The following C6orf118 variants were observed in gnomAD, a reference collection of about 807,000 sequenced individuals.
C6orf118 encodes the protein uncharacterized protein C6orf118.
In C6orf118, 50 loss-of-function variants were observed where a neutral mutation model predicts 50.2. That is an observed-to-expected ratio of 1.00 (90% CI 0.79 to 1.26). The LOEUF is 1.26. C6orf118 is among the 50% of genes most tolerant of loss of function. The probability of loss-of-function intolerance (pLI) is 0.00; values close to 1 mark genes in which losing one functional copy is unlikely to be tolerated. For synonymous variants in C6orf118, 239 were observed against 230.9 expected, an observed-to-expected ratio of 1.03 and a Z score of -0.32; for missense variants, 641 against 578.7, an observed-to-expected ratio of 1.11 and a Z score of -1.10.
At chr6:165,281,483 C>T in intron 8 of C6orf118, 157 bp downstream of exon 8, 2 of 1,386,720 alleles carry the variant, frequency 1.4e-6, no homozygotes, top group African/African-American at 1.5e-5. Flanking sequence ...ATACTTACTC[C>T]TGCCTCTCTT....
chr6:165,280,806 C>A (rs190130944), intron 8 of C6orf118, among the ~76,000 whole-genome samples: 488 of 152,294 alleles, frequency 3.2e-3, no homozygotes, highest in African/African-American at 0.011. Flanking sequence ...GAGGAGGCAG[C>A]AGCCACACTC....
chr6:165,288,948 A>T (rs182657685), intron 7 of C6orf118, among the ~76,000 whole-genome samples: 34 of 152,206 alleles, frequency 2.2e-4, no homozygotes, highest in African/African-American at 7.9e-4. Flanking sequence ...AATAGAAAAA[A>T]ATAAAATAAA....
intron 7 of C6orf118, among the ~76,000 whole-genome samples, chr6:165,289,624 T>C (rs1316594388): frequency 2.6e-5 from 4 of 152,164 alleles, no homozygotes; most frequent in Non-Finnish European, 5.9e-5. Context: ...TATTCCACTC[T>C]GTATGTTCAT....
rs542751457 is a variant in C6orf118, at chr6:165,292,048, G to A, written c.1120+1365C>T. On this transcript the variant is annotated intron_variant, in intron 6 of 8. Coordinates refer to ENST00000230301, the MANE Select transcript of C6orf118 (RefSeq NM_144980.4). ...TGAGCTAGCTGAGGGGATAGAAATGGTCATAGTTAAGCTTCTACACAAACT... is the reference window on the plus strand; with the variant it reads ...TGAGCTAGCTGAGGGGATAGAAATGATCATAGTTAAGCTTCTACACAAACT... 3.9e-5 allele frequency among the ~76,000 whole-genome samples: 6 copies of A among 152,236 alleles called. No homozygotes were observed. The East Asian group carries it at 9.6e-4, about 24-fold the overall frequency.
Position 165,281,709 on chromosome 6 carries a change from T to A in C6orf118, c.1303-16A>T, listed in dbSNP as rs1181843882. On this transcript the variant is annotated splice_polypyrimidine_tract_variant and intron_variant, in intron 7 of 8. Transcript: ENST00000230301. Reference sequence around the variant, plus strand: ...TAGCTTCATGCTGGAAGAGAAGTTGTTTTAAACACAATATACTTGGTTAAA... The same window carrying A: ...TAGCTTCATGCTGGAAGAGAAGTTGATTTAAACACAATATACTTGGTTAAA... 2 of 1,443,878 alleles carry A rather than the reference T, an allele frequency of 1.4e-6. No individual in the cohort carries two copies. The highest frequency in any genetic ancestry group is 9.3e-7 in the Non-Finnish European group (1 of 1,075,888). The allele number at this position is 1,443,878 out of a possible 1,614,324, so 89.4% of individuals were successfully genotyped here. A position where few individuals can be genotyped will look rare whatever the true frequency, so the allele number is the denominator to read the frequency against.
In C6orf118 at chr6:165,279,920, A is replaced by T; in HGVS notation, c.*137T>A. 1.2e-6 allele frequency: 1 copy of T among 834,420 alleles called. No individual in the cohort carries two copies. Among genetic ancestry groups the T allele is most frequent in the Non-Finnish European group, 1.8e-6 (1 of 550,894 alleles). The allele number at this position is 834,420 out of a possible 1,614,324, so 51.7% of individuals were successfully genotyped here. ...TCAGTATCCTGAGTAGGATACATAT[A>T]CCACATTAATTTTACTAGAGATTAA... On this transcript the variant is annotated 3_prime_UTR_variant, in exon 9 of 9. Coordinates refer to ENST00000230301, the MANE Select transcript of C6orf118 (RefSeq NM_144980.4).
At position 165,301,910 on chromosome 6, in the gene C6orf118, G is replaced by C; in HGVS notation, c.412C>G (p.Leu138Val). ...LFRYLNPQASLSHTSEEDFLP... is the reference protein window; with the variant it reads ...LFRYLNPQASVSHTSEEDFLP... ...AAATCCTCCTCTGAAGTGTGGGAAA[G>C]AGAGGCCTGGGGGTTCAGGTACCTG... is the stretch of plus-strand genomic sequence containing the variant. Residue 138 changes from leucine to valine, a missense_variant, in exon 2 of 9, where the codon CTT becomes GTT. Leu to Val is a conservative substitution (Grantham distance 32). Coordinates refer to ENST00000230301, the MANE Select transcript of C6orf118 (RefSeq NM_144980.4). 1 of 1,613,886 alleles carries C rather than the reference G, an allele frequency of 6.2e-7. No homozygotes were observed. The highest frequency in any genetic ancestry group is 8.5e-7 in the Non-Finnish European group (1 of 1,180,030).
At chr6:165,297,285 GT>G (rs1429956200) in intron 5 of C6orf118, among the ~76,000 whole-genome samples, 5 of 151,838 alleles carry the variant, frequency 3.3e-5, no homozygotes, top group Non-Finnish European at 7.4e-5. Context: ...GCCGGGCGTG[GT>G]GGTACACACC....
chr6:165,300,065 A>G (rs1397439111), intron 3 of C6orf118, among the ~76,000 whole-genome samples: 1 of 152,204 alleles, frequency 6.6e-6, no homozygotes, highest in African/African-American at 2.4e-5. Context: ...TTAAATTATT[A>G]ATTTATTAGA....
chr6:165,306,890 T>G (rs1015150344), intron 1 of C6orf118, among the ~76,000 whole-genome samples: 1 of 151,870 alleles, frequency 6.6e-6, no homozygotes, highest in Non-Finnish European at 1.5e-5. Flanking sequence ...AATAAATATT[T>G]TAATCATTTT....
intron 2 of C6orf118, among the ~76,000 whole-genome samples, chr6:165,300,727 C>T (rs1343026883): frequency 5.9e-5 from 9 of 152,050 alleles, no homozygotes; most frequent in Non-Finnish European, 1.3e-4. Flanking sequence ...GACTCCCTTG[C>T]TCCCCGTGCT....
rs201582454 is a variant in C6orf118 at position 165,298,116 on chromosome 6, G to A, written c.937-15C>T. ...GCCAGAAGAGCCTAGGCAGGACCAG[G>A]TACATGAGGTGAGACAAGCACACAG... On this transcript the variant is annotated splice_polypyrimidine_tract_variant and intron_variant, in intron 4 of 8. Coordinates refer to ENST00000230301, the MANE Select transcript of C6orf118 (RefSeq NM_144980.4). 1.9e-6 allele frequency: 3 copies of A among 1,564,938 alleles called. No homozygotes were observed. Among genetic ancestry groups the A allele is most frequent in the Non-Finnish European group, 2.6e-6 (3 of 1,161,070 alleles).
At chr6:165,299,622 T>C (rs1295320972) in intron 3 of C6orf118, 120 bp from the exon 4 acceptor site, 2 of 724,888 alleles carry the variant, frequency 2.8e-6, no homozygotes, top group African/African-American at 3.5e-5. Flanking sequence ...CAGAAAAATA[T>C]AAAATGTTCC....
rs748253184 is a variant in C6orf118, at chr6:165,298,120, A to T, written c.937-19T>A. The T allele has an allele frequency of 1.5e-5, 24 of 1,560,958 alleles. No homozygotes were observed. Among genetic ancestry groups the T allele is most frequent in the Non-Finnish European group, 1.9e-5 (22 of 1,159,664 alleles). ...GAAGAGCCTAGGCAGGACCAGGTAC[A>T]TGAGGTGAGACAAGCACACAGGGAG... is the stretch of plus-strand genomic sequence containing the variant. On this transcript the variant is annotated intron_variant, in intron 4 of 8. Coordinates refer to ENST00000230301, the MANE Select transcript of C6orf118 (RefSeq NM_144980.4).
At position 165,281,666 on chromosome 6, in the gene C6orf118, T is replaced by C; in HGVS notation, c.1330A>G (p.Asn444Asp). The C allele has an allele frequency of 6.7e-7, 1 of 1,501,686 alleles. No homozygotes were observed. Among genetic ancestry groups the C allele is most frequent in the Non-Finnish European group, 8.9e-7 (1 of 1,118,798 alleles). 93.0% of individuals were successfully genotyped at this position (1,501,686 alleles called of 1,614,324 possible). Residue 444 changes from asparagine to aspartate, a missense_variant, in exon 8 of 9, where the codon AAT (asparagine) becomes GAT (aspartate). Transcript: ENST00000230301. The stretch of plus-strand genomic sequence containing the variant: ...TTTATTTTCTTCTTTAAAATCATAT[T>C]TTCTGTTTCCAATTGTATAGCTTCA... ...EHEAIQLETE[N>D]MILKKKIKGP... is the part of the protein sequence containing the mutation.
In C6orf118 at chr6:165,302,212, G is replaced by T. The variant is rs1562336777; in HGVS notation, c.110C>A (p.Thr37Asn). 1 of 1,612,708 alleles carries T rather than the reference G, an allele frequency of 6.2e-7. No homozygotes were observed. The highest frequency in any genetic ancestry group is 8.5e-7 in the Non-Finnish European group (1 of 1,179,064). Reference protein sequence around the residue: ...LKHCETPGVKTLCNLKKLLNR... With the variant: ...LKHCETPGVKNLCNLKKLLNR... ...CAGAAGTTTCTTCAGATTACACAGG[G>T]TCTTCACTCCTGGCGTCTCGCAGTG... is the stretch of plus-strand genomic sequence containing the variant. Residue 37 changes from threonine (T) to asparagine (N), a missense_variant, in exon 2 of 9, where the codon ACC (threonine) becomes AAC (asparagine). Thr to Asn is a moderately conservative substitution (Grantham distance 65). Transcript: ENST00000230301.
In C6orf118 at chr6:165,280,038, T is replaced by C; in HGVS notation, c.*19A>G. 5.6e-6 allele frequency: 9 copies of C among 1,596,152 alleles called. No homozygotes were observed. Among genetic ancestry groups the C allele is most frequent in the Non-Finnish European group, 7.7e-6 (9 of 1,175,520 alleles). On this transcript the variant is annotated 3_prime_UTR_variant, in exon 9 of 9. Transcript: ENST00000230301. ...GAAGTTAAGAATTTCCACTGGCCAT[T>C]TGTTCAGCCACTTGAGCGTTATCTT...
At chr6:165,295,653 T>G (rs1030221110) in intron 5 of C6orf118, among the ~76,000 whole-genome samples, 1 of 116,172 alleles carries the variant, frequency 8.6e-6, no homozygotes, top group South Asian at 2.6e-4. Flanking sequence ...TTTATTGTTT[T>G]TTTTTTTCGG....
chr6:165,299,690 C>T (rs927813264), intron 3 of C6orf118, among the ~76,000 whole-genome samples, 188 bp from the exon 4 acceptor site: 1 of 152,184 alleles, frequency 6.6e-6, no homozygotes, highest in Non-Finnish European at 1.5e-5. Context: ...ATCTTTGAAG[C>T]ATATTTGAGC....
Sources: gnomAD v4.1 joint callset for allele counts (sites outside exome capture counted in the v4.1 genomes callset) on GRCh38, gnomAD v4.1.1 for gene constraint, MANE v1.5 for transcripts, NCBI Gene and HGNC (gene_info 2026-07-23, HGNC 2026-07-21) for gene names.